The following TENM2 variants were observed in gnomAD, a reference collection of about 807,000 sequenced individuals.
TENM2 encodes teneurin-2.
A neutral mutation model predicts 245.2 loss-of-function variants in TENM2; 52 were observed. That is an observed-to-expected ratio of 0.21 (90% CI 0.17 to 0.27). The LOEUF is 0.27. Ranked by LOEUF, TENM2 falls within the 10% of genes least tolerant of loss-of-function variation. The pLI is 1.00. For synonymous variants in TENM2, 1,363 were observed against 1,438.9 expected, an observed-to-expected ratio of 0.95 and a Z score of 1.19; for missense variants, 3,046 against 3,666.8, an observed-to-expected ratio of 0.83 and a Z score of 4.37.
intron 1 of TENM2, among the ~76,000 whole-genome samples, chr5:167,318,396 G>C (rs1756503175): frequency 6.6e-6 from 1 of 151,490 alleles, no homozygotes; most frequent in African/African-American, 2.4e-5. Context: ...CTTAATGCAT[G>C]TTATGGAATT....
chr5:167,527,329 TCAG>T (rs1394906899), intron 2 of TENM2, among the ~76,000 whole-genome samples: 1 of 152,034 alleles, frequency 6.6e-6, no homozygotes, highest in Non-Finnish European at 1.5e-5. Context: ...AGAAAAAAAT[TCAG>T]CAGATATTTA....
the TENM2 span, among the ~76,000 whole-genome samples, chr5:167,241,547 T>A: frequency 6.6e-6 from 1 of 152,072 alleles, no homozygotes; most frequent in African/African-American, 2.4e-5. Flanking sequence ...ACGTACGATA[T>A]AATCAAGGAA....
chr5:167,201,116 G>T, the TENM2 span, among the ~76,000 whole-genome samples: 1 of 152,040 alleles, frequency 6.6e-6, no homozygotes, highest in Non-Finnish European at 1.5e-5. Context: ...TACAATAGAA[G>T]CCAAAGTGAA....
intron 2 of TENM2, among the ~76,000 whole-genome samples, chr5:167,655,124 C>A (rs1360703532): frequency 6.6e-6 from 1 of 152,002 alleles, no homozygotes; most frequent in Non-Finnish European, 1.5e-5. Flanking sequence ...TGGTTGTAAG[C>A]AACAGAAACT....
At chr5:168,180,303 A>G (rs1005770355) in intron 13 of TENM2, among the ~76,000 whole-genome samples, 7 of 152,342 alleles carry the variant, frequency 4.6e-5, no homozygotes, top group African/African-American at 1.7e-4. Flanking sequence ...CTCCATGACA[A>G]TATTAAAGAC....
intron 27 of TENM2, among the ~76,000 whole-genome samples, chr5:168,254,106 T>C (rs1767413830): frequency 6.6e-6 from 1 of 152,232 alleles, no homozygotes; most frequent in Admixed American, 6.5e-5. Flanking sequence ...ACTTAACACC[T>C]GAAGGTGCTG....
chr5:167,492,660 C>T (rs1031132667), intron 2 of TENM2, among the ~76,000 whole-genome samples: 8 of 151,962 alleles, frequency 5.3e-5, no homozygotes, highest in Non-Finnish European at 2.9e-5. Flanking sequence ...TTGTGCTATG[C>T]CTGGTGCCAT....
At chr5:167,375,255 G>A in exon 2 of TENM2, 1 of 1,551,714 alleles carries the variant, frequency 6.4e-7, no homozygotes, top group Non-Finnish European at 8.7e-7. Context: ...CACCGAAGCG[G>A]CTACTGCTCC....
chr5:167,504,462 C>A (rs1769415341), intron 2 of TENM2, among the ~76,000 whole-genome samples: 1 of 152,204 alleles, frequency 6.6e-6, no homozygotes, highest in East Asian at 1.9e-4. Flanking sequence ...GTGACTAATT[C>A]ATCACAGCTG....
chr5:167,361,280 A>G (rs1463481993), intron 1 of TENM2, among the ~76,000 whole-genome samples: 2 of 152,210 alleles, frequency 1.3e-5, no homozygotes, highest in African/African-American at 2.4e-5. Context: ...ACGAGTGTTA[A>G]TATTTTGTCA....
chr5:167,314,292 T>C (rs556347986), intron 1 of TENM2, among the ~76,000 whole-genome samples: 1 of 152,322 alleles, frequency 6.6e-6, no homozygotes, highest in East Asian at 1.9e-4. Context: ...AGTGCTTACA[T>C]TATCACTATC....
At chr5:167,662,946 A>G (rs1008445419) in intron 2 of TENM2, among the ~76,000 whole-genome samples, 2 of 152,152 alleles carry the variant, frequency 1.3e-5, no homozygotes, top group Admixed American at 6.6e-5. Flanking sequence ...TTAACACAAG[A>G]TGTTTTCATT....
rs549049731 is a variant in TENM2, at chr5:167,821,905, C to T, written c.503-54081C>T. Reference sequence around the variant, plus strand: ...TCATTCAGTAGTCTCAAAAGCCCCGCGTACTTCTCTCTGCTTGGACAAATG... The same window carrying T: ...TCATTCAGTAGTCTCAAAAGCCCCGTGTACTTCTCTCTGCTTGGACAAATG... On this transcript the variant is annotated intron_variant, in intron 2 of 28. Coordinates refer to ENST00000518659, the Ensembl canonical transcript of TENM2. Among the ~76,000 whole-genome samples the T allele has an allele frequency of 3.9e-5, 6 of 152,160 alleles. 1 individual carries two copies. The South Asian group carries it at 8.3e-4, about 21-fold the overall frequency.
intron 1 of TENM2, among the ~76,000 whole-genome samples, chr5:167,317,400 C>G (rs1280549536): frequency 6.6e-6 from 1 of 152,096 alleles, no homozygotes. Context: ...AGAATGGAGA[C>G]TCATAATGCT....
At chr5:167,380,369 A>G (rs1406865513) in intron 2 of TENM2, among the ~76,000 whole-genome samples, 1 of 152,184 alleles carries the variant, frequency 6.6e-6, no homozygotes, top group East Asian at 1.9e-4. Context: ...ATGTTCTGCA[A>G]ATGGACTCGT....
the TENM2 span, among the ~76,000 whole-genome samples, chr5:166,997,332 G>A: frequency 3.9e-5 from 6 of 152,096 alleles, no homozygotes; most frequent in Non-Finnish European, 8.8e-5. Flanking sequence ...AGAGTTCTAT[G>A]AGTTTATTAT....
the TENM2 span, among the ~76,000 whole-genome samples, chr5:167,001,479 A>G: frequency 6.6e-6 from 1 of 151,952 alleles, no homozygotes; most frequent in African/African-American, 2.4e-5. Context: ...GACATGCGGG[A>G]ACATCTGCCA....
At chr5:167,230,937 G>A in the TENM2 span, among the ~76,000 whole-genome samples, 1 of 152,070 alleles carries the variant, frequency 6.6e-6, no homozygotes, top group African/African-American at 2.4e-5. Context: ...TGAATCATGG[G>A]GGCAGTTTCT....
intron 2 of TENM2, among the ~76,000 whole-genome samples, chr5:167,809,531 G>T (rs1372258668): frequency 1.3e-5 from 2 of 152,144 alleles, no homozygotes; most frequent in Non-Finnish European, 2.9e-5. Context: ...AAGATTTTGT[G>T]TTGTGATCCC....
Sources: allele counts gnomAD v4.1 joint callset (sites outside exome capture counted in the v4.1 genomes callset), GRCh38; gene constraint gnomAD v4.1.1; transcripts MANE v1.5; gene names NCBI Gene and HGNC (gene_info 2026-07-23, HGNC 2026-07-21).